The following KIAA0825 variants were observed in gnomAD, a reference collection of about 807,000 sequenced individuals.
KIAA0825 encodes the protein KIAA0825.
In KIAA0825, 119 loss-of-function variants were observed where a neutral mutation model predicts 147.6. The ratio of observed to expected loss-of-function variants is 0.81; its 90% CI spans 0.69 to 0.94. The LOEUF (loss-of-function observed/expected upper bound fraction) is 0.94. Among genes scored for constraint, KIAA0825 ranks in the 40% least tolerant of loss-of-function variants. The probability of loss-of-function intolerance (pLI) is 0.00; values close to 1 mark genes in which losing one functional copy is unlikely to be tolerated. For synonymous variants in KIAA0825, 470 were observed against 518.1 expected, an observed-to-expected ratio of 0.91 and a Z score of 1.26; for missense variants, 1,381 against 1,472.7, an observed-to-expected ratio of 0.94 and a Z score of 1.02.
chr5:94,352,851 C>T (rs1430269889), intron 20 of KIAA0825, among the ~76,000 whole-genome samples: 10 of 151,826 alleles, frequency 6.6e-5, no homozygotes, highest in Non-Finnish European at 1.5e-4. Flanking sequence ...GGTATGTTCT[C>T]CCTGATATGT....
At chr5:94,417,517 C>T in intron 14 of KIAA0825, 152 bp from the exon 15 acceptor site, 2 of 596,202 alleles carry the variant, frequency 3.4e-6, no homozygotes, top group Non-Finnish European at 2.8e-6. Flanking sequence ...TATTTCAAAA[C>T]AATGGTCCAT....
At chr5:94,362,717 G>A (rs1418045220) in intron 20 of KIAA0825, among the ~76,000 whole-genome samples, 1 of 150,574 alleles carries the variant, frequency 6.6e-6, no homozygotes, top group Non-Finnish European at 1.5e-5. Flanking sequence ...AGCAGGGGCT[G>A]TGTCTGGCTG....
chr5:94,219,308 T>C (rs1444219189), intron 20 of KIAA0825, among the ~76,000 whole-genome samples: 14 of 152,098 alleles, frequency 9.2e-5, no homozygotes, highest in Admixed American at 9.2e-4. Flanking sequence ...GTTCCTATGA[T>C]AATCTAATGT....
At chr5:94,370,188 C>T (rs1372166340) in intron 20 of KIAA0825, among the ~76,000 whole-genome samples, 5 of 151,790 alleles carry the variant, frequency 3.3e-5, no homozygotes, top group African/African-American at 7.3e-5. Context: ...GACAAACAAA[C>T]GGAGGAATCC....
intron 20 of KIAA0825, among the ~76,000 whole-genome samples, chr5:94,331,754 T>C (rs1371435815): frequency 1.3e-5 from 2 of 151,452 alleles, no homozygotes; most frequent in Non-Finnish European, 2.9e-5. Flanking sequence ...TATTAACAAG[T>C]GAAAAAAAGA....
chr5:94,165,135 A>G (rs954230442), intron 20 of KIAA0825, among the ~76,000 whole-genome samples: 3 of 152,230 alleles, frequency 2.0e-5, no homozygotes, highest in Non-Finnish European at 4.4e-5. Flanking sequence ...AATAATCAGA[A>G]TATATAAGGA....
intron 20 of KIAA0825, among the ~76,000 whole-genome samples, chr5:94,335,570 G>A (rs1213762554): frequency 6.6e-6 from 1 of 151,396 alleles, no homozygotes; most frequent in African/African-American, 2.4e-5. Context: ...ATATCATATT[G>A]GAAATAATTA....
chr5:94,523,487 G>C (rs1179745031), intron 4 of KIAA0825, among the ~76,000 whole-genome samples: 1 of 151,580 alleles, frequency 6.6e-6, no homozygotes, highest in Non-Finnish European at 1.5e-5. Context: ...TGCAGGTTAG[G>C]AATGCAGGGA....
chr5:94,409,209 T>A (rs1384900300), intron 15 of KIAA0825, among the ~76,000 whole-genome samples: 2 of 152,198 alleles, frequency 1.3e-5, no homozygotes, highest in Non-Finnish European at 2.9e-5. Flanking sequence ...AAGTTATTTT[T>A]AAAAATGATT....
chr5:94,571,877 A>C lies in KIAA0825; in HGVS notation c.-2+10556T>G, dbSNP rs185893771. Among the ~76,000 whole-genome samples the C allele has an allele frequency of 1.3e-4, 20 of 152,342 alleles. 1 individual carries two copies. The East Asian group carries it at 3.1e-3, about 23-fold the overall frequency. On this transcript the variant is annotated intron_variant, in intron 2 of 20. Coordinates refer to ENST00000682413, the MANE Select transcript of KIAA0825 (RefSeq NM_001145678.3). Reference sequence around the variant, plus strand: ...ATAAAATAAAAATACATTATCCAGTAATAAAATAAATAAGTAGTTGTAGTT... The same window carrying C: ...ATAAAATAAAAATACATTATCCAGTCATAAAATAAATAAGTAGTTGTAGTT...
chr5:94,333,794 T>C (rs1371460966), intron 20 of KIAA0825, among the ~76,000 whole-genome samples: 2 of 152,224 alleles, frequency 1.3e-5, no homozygotes, highest in South Asian at 2.1e-4. Context: ...TAAGCATTCC[T>C]CTACACCAAT....
chr5:94,468,864 G>A (rs942078619), intron 10 of KIAA0825, among the ~76,000 whole-genome samples: 2 of 152,154 alleles, frequency 1.3e-5, no homozygotes, highest in African/African-American at 2.4e-5. Context: ...CAATCTAGAG[G>A]AAAGGGTAAA....
chr5:94,455,663 A>G (rs1271017949), intron 12 of KIAA0825, among the ~76,000 whole-genome samples: 5 of 152,182 alleles, frequency 3.3e-5, no homozygotes, highest in Admixed American at 3.3e-4. Flanking sequence ...TTGGGAAAAG[A>G]GACATATTGA....
At chr5:94,217,222 A>G (rs1263112362) in intron 20 of KIAA0825, among the ~76,000 whole-genome samples, 1 of 152,220 alleles carries the variant, frequency 6.6e-6, no homozygotes, top group Non-Finnish European at 1.5e-5. Context: ...TGGTGTGTGT[A>G]GATACCATTT....
chr5:94,273,435 G>T (rs547959514), intron 20 of KIAA0825, among the ~76,000 whole-genome samples: 18 of 152,156 alleles, frequency 1.2e-4, no homozygotes, highest in African/African-American at 3.9e-4. Context: ...CAGGGTACAT[G>T]TGCAGGTTTG....
intron 20 of KIAA0825, among the ~76,000 whole-genome samples, chr5:94,174,657 GA>G (rs1183756372): frequency 6.6e-6 from 1 of 152,018 alleles, no homozygotes; most frequent in East Asian, 1.9e-4. Flanking sequence ...CCCCCTTTAA[GA>G]GGTCAAACAA....
At chr5:94,540,104 C>T (rs893881297) in intron 2 of KIAA0825, among the ~76,000 whole-genome samples, 3 of 152,144 alleles carry the variant, frequency 2.0e-5, no homozygotes, top group African/African-American at 7.2e-5. Context: ...CCTTCCCCAC[C>T]CCGCCTGAGG....
Position 94,152,149 on chromosome 5 carries a change from G to C in KIAA0825, c.*1858C>G, listed in dbSNP as rs1356499879. Among the ~76,000 whole-genome samples, 2 of 152,176 alleles carry C rather than the reference G, an allele frequency of 1.3e-5. No homozygotes were observed. Among genetic ancestry groups the C allele is most frequent in the Admixed American group, 6.5e-5 (1 of 15,286 alleles). ...AAAATGTGTTATTTGGCAGGCAGCTGTCTACATGGCCATTTATGTATTTTT... is the reference window on the plus strand; with the variant it reads ...AAAATGTGTTATTTGGCAGGCAGCTCTCTACATGGCCATTTATGTATTTTT... On this transcript the variant is annotated 3_prime_UTR_variant, in exon 21 of 21. Transcript: ENST00000682413.
chr5:94,297,278 A>T (rs1778179283), intron 20 of KIAA0825, among the ~76,000 whole-genome samples: 1 of 152,194 alleles, frequency 6.6e-6, no homozygotes, highest in Non-Finnish European at 1.5e-5. Context: ...CTGCATCTAA[A>T]TAGTAGATTC....
Sources: gnomAD v4.1 joint callset for allele counts (sites outside exome capture counted in the v4.1 genomes callset) on GRCh38, gnomAD v4.1.1 for gene constraint, MANE v1.5 for transcripts, NCBI Gene and HGNC (gene_info 2026-07-23, HGNC 2026-07-21) for gene names.